Variants in CELF2 observed in about 807,000 individuals in gnomAD.
CELF2 encodes the protein CUGBP Elav-like family member 2.
Under a neutral mutation model 62.6 loss-of-function variants are expected in CELF2, and 8 were observed. The ratio of observed to expected loss-of-function variants is 0.13; its 90% confidence interval spans 0.07 to 0.23. The LOEUF (loss-of-function observed/expected upper bound fraction) is 0.23, where lower values mean the gene tolerates loss of function less well. CELF2 is among the 10% of genes least tolerant of loss of function. The pLI is 1.00. For missense variants in CELF2, 333 were observed against 671.0 expected (o/e 0.50, Z 5.56); for synonymous variants, 258 against 250.0 (o/e 1.03, Z -0.30).
intron 3 of CELF2, among the ~76,000 whole-genome samples, chr10:11,226,086 T>A (rs2066434696): frequency 6.6e-6 from 1 of 152,184 alleles, no homozygotes; most frequent in Non-Finnish European, 1.5e-5. Flanking sequence ...TGGGCGTGGC[T>A]TAAGAGGCCA....
chr10:10,778,123 A>C, the CELF2 span, among the ~76,000 whole-genome samples: 1 of 152,184 alleles, frequency 6.6e-6, no homozygotes, highest in East Asian at 1.9e-4. Flanking sequence ...ACAAAACTGT[A>C]GTTGAATTTA....
chr10:11,234,638 C>T (rs916028408), intron 3 of CELF2, among the ~76,000 whole-genome samples: 19 of 144,958 alleles, frequency 1.3e-4, no homozygotes, highest in Admixed American at 3.5e-4. Context: ...GCCGAGATCG[C>T]GCCACTGCAC....
the CELF2 span, among the ~76,000 whole-genome samples, chr10:10,495,325 TA>T: frequency 6.6e-6 from 1 of 152,144 alleles, no homozygotes; most frequent in Non-Finnish European, 1.5e-5. Flanking sequence ...AAAGAGTTCA[TA>T]TTATGTATGG....
chr10:11,245,643 G>T (rs115259844), intron 3 of CELF2, among the ~76,000 whole-genome samples: 2 of 152,188 alleles, frequency 1.3e-5, no homozygotes, highest in African/African-American at 4.8e-5. Flanking sequence ...AGAGTCTTAC[G>T]GCAGCACAAG....
the CELF2 span, among the ~76,000 whole-genome samples, chr10:10,755,318 T>G: frequency 5.3e-5 from 8 of 152,326 alleles, no homozygotes; most frequent in South Asian, 1.0e-3. Flanking sequence ...TTCTTCACAG[T>G]GCATTACAAT....
intron 2 of CELF2, among the ~76,000 whole-genome samples, chr10:10,944,754 A>G (rs2047462968): frequency 6.6e-6 from 1 of 151,994 alleles, no homozygotes; most frequent in African/African-American, 2.4e-5. Context: ...GGTGTGCACC[A>G]CCACACCCAG....
chr10:11,293,807 A>C (rs10737051), intron 9 of CELF2, among the ~76,000 whole-genome samples: 1 of 150,968 alleles, frequency 6.6e-6, no homozygotes, highest in Non-Finnish European at 1.5e-5. Flanking sequence ...GTTTTTTTTT[A>C]AATTCAGTGG....
At chr10:10,463,585 T>A in the CELF2 span, among the ~76,000 whole-genome samples, 6 of 152,160 alleles carry the variant, frequency 3.9e-5, no homozygotes, top group Non-Finnish European at 8.8e-5. Context: ...AACATAGACA[T>A]CTCTTTTTTT....
chr10:10,967,836 T>G (rs1452255376), intron 2 of CELF2, among the ~76,000 whole-genome samples: 1 of 152,116 alleles, frequency 6.6e-6, no homozygotes, highest in Non-Finnish European at 1.5e-5. Context: ...CATAGACAGA[T>G]AGCCGAAGTG....
chr10:10,864,769 A>ATT (rs2060253309), intron 1 of CELF2, among the ~76,000 whole-genome samples: 1 of 152,230 alleles, frequency 6.6e-6, no homozygotes, highest in African/African-American at 2.4e-5. Context: ...TCTTAGAGAG[A>ATT]CACGAATATT....
At chr10:11,164,316 A>G (rs1276180695) in intron 1 of CELF2, among the ~76,000 whole-genome samples, 6 of 152,166 alleles carry the variant, frequency 3.9e-5, no homozygotes, top group Admixed American at 1.3e-4. Context: ...TTCCTGCTCA[A>G]AGGAGGGTGG....
At chr10:11,081,533 G>A (rs2074034872) in intron 1 of CELF2, among the ~76,000 whole-genome samples, 1 of 152,128 alleles carries the variant, frequency 6.6e-6, no homozygotes, top group East Asian at 1.9e-4. Context: ...CTGCTTTGCT[G>A]TTTTGGCACT....
At chr10:10,702,003 G>A in the CELF2 span, among the ~76,000 whole-genome samples, 31,615 of 152,208 alleles carry the variant, frequency 0.21, 3,591 homozygotes, top group South Asian at 0.43. Flanking sequence ...CAGCGGTACC[G>A]ATATTCCCAA....
At chr10:10,675,984 T>G in the CELF2 span, among the ~76,000 whole-genome samples, 1 of 152,242 alleles carries the variant, frequency 6.6e-6, no homozygotes, top group Non-Finnish European at 1.5e-5. Context: ...CTCTTCAAAC[T>G]GTGCTTTTGC....
chr10:11,176,960 A>T (rs1565107442), intron 2 of CELF2, among the ~76,000 whole-genome samples: 1 of 152,178 alleles, frequency 6.6e-6, no homozygotes, highest in Non-Finnish European at 1.5e-5. Context: ...ATGTCTAAGC[A>T]TCCTGCGCTA....
At chr10:11,062,933 A>C in intron 1 of CELF2, among the ~76,000 whole-genome samples, 1 of 77,882 alleles carries the variant, frequency 1.3e-5, no homozygotes, top group South Asian at 4.1e-4. Flanking sequence ...CACATCCTTC[A>C]GCAGCACCCC....
At chr10:10,486,531 G>A in the CELF2 span, among the ~76,000 whole-genome samples, 79 of 152,174 alleles carry the variant, frequency 5.2e-4, 1 homozygote, top group African/African-American at 1.7e-3. Flanking sequence ...AAAAGCTTGG[G>A]ACCCAATGTG....
intron 1 of CELF2, among the ~76,000 whole-genome samples, chr10:11,090,585 T>C (rs1300607041): frequency 6.6e-6 from 1 of 152,332 alleles, no homozygotes; most frequent in Non-Finnish European, 1.5e-5. Flanking sequence ...ATTGAAATTA[T>C]AGCATTATAT....
the CELF2 span, among the ~76,000 whole-genome samples, chr10:10,770,017 A>C: frequency 6.6e-6 from 1 of 152,062 alleles, no homozygotes; most frequent in African/African-American, 2.4e-5. Context: ...AATAGCTTAG[A>C]GATATTGTAA....
Sources: allele counts gnomAD v4.1 joint callset (sites outside exome capture counted in the v4.1 genomes callset), GRCh38; gene constraint gnomAD v4.1.1; transcripts MANE v1.5; gene names NCBI Gene and HGNC (gene_info 2026-07-23, HGNC 2026-07-21).